MCPH1: variants seen among roughly 807,000 people sequenced by gnomAD.
MCPH1 encodes microcephalin 1.
A neutral mutation model predicts 84.5 loss-of-function variants in MCPH1; 104 were observed. The ratio of observed to expected loss-of-function variants is 1.23; its 90% CI spans 1.05 to 1.45. The LOEUF (loss-of-function observed/expected upper bound fraction) is 1.45, where lower values mean the gene tolerates loss of function less well. MCPH1 is among the 40% of genes most tolerant of loss of function. The pLI is 0.00. For synonymous variants in MCPH1, 514 were observed against 366.8 expected, an observed-to-expected ratio of 1.40 and a Z score of -4.58; for missense variants, 1,498 against 1,005.7, an observed-to-expected ratio of 1.49 and a Z score of -6.62.
chr8:6,644,503 A>T lies in MCPH1; in HGVS notation c.*1454A>T, dbSNP rs1798117701. Reference sequence around the variant, plus strand: ...TAAATGACTTAAGTAAAGTTTCAGGATAGTAAATCCATGTACAAAAATCAG... The same window carrying T: ...TAAATGACTTAAGTAAAGTTTCAGGTTAGTAAATCCATGTACAAAAATCAG... On this transcript the variant is annotated 3_prime_UTR_variant, in exon 14 of 14. Transcript: ENST00000344683. 1 of 152,220 alleles carries T rather than the reference A, an allele frequency of 6.6e-6. No homozygotes were observed. Among genetic ancestry groups the T allele is most frequent in the Admixed American group, 6.5e-5 (1 of 15,288 alleles). 9.4% of individuals were successfully genotyped at this position (152,220 alleles called of 1,614,324 possible). A position where few individuals can be genotyped will look rare whatever the true frequency, so the allele number is the denominator to read the frequency against.
rs746397446 is a variant in MCPH1 at position 6,445,538 on chromosome 8, T to C, written c.1816T>C (p.Tyr606His). Residue 606 changes from tyrosine (Y) to histidine (H), a missense_variant, in exon 8 of 14, where the codon TAC becomes CAC. Transcript: ENST00000344683. Reference protein sequence around the residue: ...TEEKENLPGGYSGSVKNRPTR... With the variant: ...TEEKENLPGGHSGSVKNRPTR... ...AGAGAAGGAAAACTTACCCGGAGGATACAGTGGAAGTATGTGAATCTCCTT... is the reference window on the plus strand; with the variant it reads ...AGAGAAGGAAAACTTACCCGGAGGACACAGTGGAAGTATGTGAATCTCCTT... 2 of 1,600,490 alleles carry C rather than the reference T, an allele frequency of 1.2e-6. No individual in the cohort carries two copies. The highest frequency in any genetic ancestry group is 2.7e-5 in the African/African-American group (2 of 74,078).
intron 12 of MCPH1, among the ~76,000 whole-genome samples, chr8:6,608,287 C>T (rs762484427): frequency 9.2e-5 from 14 of 152,202 alleles, no homozygotes; most frequent in African/African-American, 1.7e-4. Context: ...GAGGTGTTCA[C>T]AGGTGAGTAG....
chr8:6,419,619 G>A (rs1032655674), intron 3 of MCPH1, among the ~76,000 whole-genome samples: 13 of 151,004 alleles, frequency 8.6e-5, no homozygotes, highest in Middle Eastern at 6.8e-3. Context: ...AGCCAGGATG[G>A]TCTTGATCTC....
chr8:6,525,939 A>C (rs1012998845), intron 12 of MCPH1, among the ~76,000 whole-genome samples: 4 of 152,188 alleles, frequency 2.6e-5, no homozygotes, highest in African/African-American at 9.7e-5. Flanking sequence ...GCATTGTAGC[A>C]TGCTAAATTT....
At chr8:6,506,419 C>T (rs1044806635) in intron 12 of MCPH1, among the ~76,000 whole-genome samples, 32 of 152,114 alleles carry the variant, frequency 2.1e-4, no homozygotes, top group African/African-American at 7.5e-4. Flanking sequence ...GTCCCTAAAT[C>T]TTGATTTGCC....
intron 12 of MCPH1, among the ~76,000 whole-genome samples, chr8:6,611,898 G>T (rs1037090489): frequency 6.6e-6 from 1 of 152,192 alleles, no homozygotes; most frequent in African/African-American, 2.4e-5. Context: ...GATTACAGGC[G>T]TGAGCCACCG....
intron 12 of MCPH1, among the ~76,000 whole-genome samples, chr8:6,505,490 ATT>A (rs1421308679): frequency 1.3e-3 from 4 of 3,006 alleles, no homozygotes; most frequent in Non-Finnish European, 2.1e-3. Context: ...GAATATATAT[ATT>A]CTTTATATAT....
intron 12 of MCPH1, among the ~76,000 whole-genome samples, chr8:6,564,746 T>C (rs2129576075): frequency 6.6e-6 from 1 of 152,314 alleles, no homozygotes; most frequent in Non-Finnish European, 1.5e-5. Flanking sequence ...CGAACAACAG[T>C]GTGAATATCT....
intron 12 of MCPH1, among the ~76,000 whole-genome samples, chr8:6,557,292 T>TA (rs1263192300): frequency 1.3e-5 from 2 of 152,050 alleles, no homozygotes; most frequent in Non-Finnish European, 2.9e-5. Flanking sequence ...ATAAGGGACT[T>TA]AAAAAAATAT....
chr8:6,621,744 T>C (rs1200362386), intron 13 of MCPH1, 53 bp downstream of exon 13: 1 of 1,612,666 alleles, frequency 6.2e-7, no homozygotes, highest in East Asian at 2.2e-5. Flanking sequence ...TGTGGACAGG[T>C]TTCCAGGGAG....
At chr8:6,488,763 G>A (rs890330290) in intron 11 of MCPH1, among the ~76,000 whole-genome samples, 1 of 152,080 alleles carries the variant, frequency 6.6e-6, no homozygotes, top group African/African-American at 2.4e-5. Context: ...TAATTACAGA[G>A]TGGCAGCTTT....
intron 3 of MCPH1, among the ~76,000 whole-genome samples, chr8:6,426,101 C>T (rs1380418455): frequency 6.6e-6 from 1 of 152,174 alleles, no homozygotes; most frequent in Non-Finnish European, 1.5e-5. Flanking sequence ...TCTCTTCCAC[C>T]CGCCTCCCTT....
chr8:6,625,192 G>C (rs1158630013), intron 13 of MCPH1: 1 of 985,306 alleles, frequency 1.0e-6, no homozygotes, highest in Non-Finnish European at 1.2e-6. Context: ...CCTATTTTCT[G>C]TGGAATGCAT....
intron 12 of MCPH1, among the ~76,000 whole-genome samples, chr8:6,579,763 C>A (rs1398399248): frequency 2.0e-5 from 3 of 152,134 alleles, no homozygotes; most frequent in African/African-American, 7.2e-5. Context: ...GCACGTGTCG[C>A]CAGAGGTCAC....
Position 6,626,164 on chromosome 8 carries a change from G to A in MCPH1, c.2452+4473G>A, listed in dbSNP as rs1044102536. On this transcript the variant is annotated intron_variant, in intron 13 of 13. Transcript: ENST00000344683. ...GAATTTCTTTCGACCTCAGCTCTGAGGTGACCCTCAGCTCGCCCGCCACCC... is the reference window on the plus strand; with the variant it reads ...GAATTTCTTTCGACCTCAGCTCTGAAGTGACCCTCAGCTCGCCCGCCACCC... The A allele has an allele frequency of 8.1e-6, 8 of 985,136 alleles. No individual in the cohort carries two copies. In the African/African-American group the frequency reaches 1.4e-4, roughly 17 times the overall value. The allele number at this position is 985,136 out of a possible 1,614,324, so 61.0% of individuals were successfully genotyped here. A position where few individuals can be genotyped will look rare whatever the true frequency, so the allele number is the denominator to read the frequency against.
In MCPH1 at chr8:6,480,814, C is replaced by T. The variant is rs1809123349; in HGVS notation, c.2074C>T (p.Leu692Phe). ...TTTHVLSGKP[L>F]RTLNVLLGIA... ...GACTCACGTGCTTTCCGGGAAGCCACTTCGCACCCTGAATGTGCTGCTGGG... is the reference window on the plus strand; with the variant it reads ...GACTCACGTGCTTTCCGGGAAGCCATTTCGCACCCTGAATGTGCTGCTGGG... The change falls in exon 11 of 14, where the codon CTT (leucine) becomes TTT (phenylalanine). Residue 692 changes from leucine (L) to phenylalanine (F), a missense_variant. Physicochemically the swap from Leu to Phe is conservative, Grantham distance 22. Coordinates refer to ENST00000344683, the MANE Select transcript of MCPH1 (RefSeq NM_024596.5). 4 of 1,614,218 alleles carry T rather than the reference C, an allele frequency of 2.5e-6. No individual in the cohort carries two copies. The highest frequency in any genetic ancestry group is 3.4e-6 in the Non-Finnish European group (4 of 1,180,032).
At chr8:6,486,917 G>A (rs1004405500) in intron 11 of MCPH1, among the ~76,000 whole-genome samples, 13 of 152,150 alleles carry the variant, frequency 8.5e-5, no homozygotes, top group African/African-American at 1.2e-4. Flanking sequence ...GATGATTCCT[G>A]CACTTTCCTG....
chr8:6,525,731 C>CT (rs1465026091), intron 12 of MCPH1, among the ~76,000 whole-genome samples: 5 of 152,102 alleles, frequency 3.3e-5, no homozygotes, highest in Admixed American at 6.5e-5. Flanking sequence ...ACACTATTTT[C>CT]TTTTTTTATT....
chr8:6,504,842 G>C (rs1220291819), intron 12 of MCPH1, among the ~76,000 whole-genome samples: 1 of 152,000 alleles, frequency 6.6e-6, no homozygotes, highest in Non-Finnish European at 1.5e-5. Flanking sequence ...ATACACATAG[G>C]GTTTGATACT....
Sources: gnomAD v4.1 joint callset for allele counts (sites outside exome capture counted in the v4.1 genomes callset) on GRCh38, gnomAD v4.1.1 for gene constraint, MANE v1.5 for transcripts, NCBI Gene and HGNC (gene_info 2026-07-23, HGNC 2026-07-21) for gene names.